Variants in ECPAS observed in about 807,000 individuals in gnomAD.
The protein encoded by ECPAS is Ecm29 proteasome adaptor and scaffold.
ECPAS carries 70 observed loss-of-function variants against 255.1 expected under a neutral mutation model. The observed-to-expected ratio is 0.27, with a 90% CI of 0.23 to 0.33. The LOEUF is 0.33. ECPAS is among the 10% of genes least tolerant of loss of function. The pLI, the probability that ECPAS is intolerant of heterozygous loss-of-function variation, is 1.00. For missense variants in ECPAS, 1,817 were observed against 2,206.4 expected (o/e 0.82, Z 3.54); for synonymous variants, 784 against 775.0 (o/e 1.01, Z -0.19).
At position 111,374,024 on chromosome 9, in the gene ECPAS, A is replaced by G; in HGVS notation, c.4125T>C (p.Ser1375=). ...VGLGTKGGCA[S]VIVSLTTQCP... ...ACTGAGTAGTTAATGACACAATGAC[A>G]CTGGCACAGCCACCCTACAGGGTTA... is the stretch of plus-strand genomic sequence containing the variant. The change falls in exon 39 of 50, where the codon AGT becomes AGC. Residue 1375 remains serine (S), a synonymous_variant. Transcript: ENST00000684092. The G allele has an allele frequency of 1.2e-6, 2 of 1,613,084 alleles. No homozygotes were observed. The highest frequency in any genetic ancestry group is 1.7e-6 in the Non-Finnish European group (2 of 1,179,054).
chr9:111,453,430 T>TGGGGGG (rs529303952), intron 2 of ECPAS, among the ~76,000 whole-genome samples: 1 of 151,996 alleles, frequency 6.6e-6, no homozygotes, highest in Non-Finnish European at 1.5e-5. Context: ...TGAAAGAAAC[T>TGGGGGG]GGGGGGGAAG....
chr9:111,381,473 C>A (rs2098140472), intron 35 of ECPAS, among the ~76,000 whole-genome samples: 1 of 152,158 alleles, frequency 6.6e-6, no homozygotes, highest in Non-Finnish European at 1.5e-5. Context: ...GTATGAAATA[C>A]CGTGAGAATT....
chr9:111,408,530 T>A, intron 24 of ECPAS, 41 bp downstream of exon 24: 2 of 1,283,688 alleles, frequency 1.6e-6, no homozygotes, highest in South Asian at 1.6e-5. Flanking sequence ...GACCAATGCC[T>A]TTTCTCTGAA....
intron 15 of ECPAS, 81 bp from the exon 16 acceptor site, chr9:111,420,201 T>C (rs2098211287): frequency 4.7e-6 from 4 of 848,616 alleles, no homozygotes; most frequent in Non-Finnish European, 7.9e-6. Flanking sequence ...TTCATTCCAA[T>C]CAAGATGAGT....
Position 111,368,034 on chromosome 9 carries a change from C to CAAAAAA in ECPAS, c.5113+995_5113+1000dup, listed in dbSNP as rs545860799. Among the ~76,000 whole-genome samples the CAAAAAA allele has an allele frequency of 7.1e-5, 9 of 126,608 alleles. No individual in the cohort carries two copies. The East Asian group carries it at 1.3e-3, about 19-fold the overall frequency. The allele number at this position is 126,608 out of a possible 152,430, so 83.1% of individuals were successfully genotyped here. On this transcript the variant is annotated intron_variant, in intron 46 of 49. Coordinates refer to ENST00000684092, the MANE Select transcript of ECPAS (RefSeq NM_001364929.1). ...TGGGCAACAAAGCAAGACCCTGTCT[C>CAAAAAA]AAAAAAAAAACAAACAAAAAAAAAA...
intron 33 of ECPAS, 26 bp from the exon 34 acceptor site, chr9:111,384,595 A>G: frequency 1.2e-6 from 2 of 1,609,548 alleles, no homozygotes; most frequent in Non-Finnish European, 1.7e-6. Context: ...GTGTGACATC[A>G]TACAAGTTAG....
intron 2 of ECPAS, among the ~76,000 whole-genome samples, chr9:111,453,328 G>A (rs1351953751): frequency 6.6e-6 from 1 of 152,104 alleles, no homozygotes; most frequent in African/African-American, 2.4e-5. Context: ...AAGCAATGAC[G>A]ATAGAAGGAA....
chr9:111,403,695 G>A (rs895133547), intron 24 of ECPAS, among the ~76,000 whole-genome samples: 1 of 149,766 alleles, frequency 6.7e-6, no homozygotes, highest in Admixed American at 6.6e-5. Context: ...TTTCAATAAT[G>A]GACAGGTCAT....
Position 111,396,750 on chromosome 9 carries a change from C to A in ECPAS, c.2776+280G>T, listed in dbSNP as rs916273442. Among the ~76,000 whole-genome samples the A allele has an allele frequency of 2.0e-5, 3 of 152,216 alleles. No individual in the cohort carries two copies. In the South Asian group the frequency reaches 6.2e-4, roughly 32 times the overall value. On this transcript the variant is annotated intron_variant, in intron 25 of 49. Transcript: ENST00000684092. Reference sequence around the variant, plus strand: ...TATTTTTAGTAGAGATGGGGTTTCACCATGTTAGCCAGGCTGGTCTCTAAC... The same window carrying A: ...TATTTTTAGTAGAGATGGGGTTTCAACATGTTAGCCAGGCTGGTCTCTAAC...
chr9:111,470,527 G>T (rs1034767811), intron 2 of ECPAS, among the ~76,000 whole-genome samples: 12 of 152,042 alleles, frequency 7.9e-5, no homozygotes, highest in African/African-American at 2.9e-4. Flanking sequence ...ACCCGTGATG[G>T]TCTCAAACTC....
Position 111,451,544 on chromosome 9 carries a change from G to T in ECPAS, c.34C>A (p.Arg12=), listed in dbSNP as rs1338724132. The T allele has an allele frequency of 6.4e-7, 1 of 1,567,608 alleles. No homozygotes were observed. Among genetic ancestry groups the T allele is most frequent in the African/African-American group, 1.4e-5 (1 of 72,886 alleles). ...YHIDCRDQLE[R]VFLRLGHAET... ...GCATGGCCAAGTCGTAAAAAGACCC[G>T]TTCAAGCTGATCTATAATATAAAAA... is the stretch of plus-strand genomic sequence containing the variant. The change falls in exon 3 of 50, where the codon CGG becomes AGG. Residue 12 remains arginine, a synonymous_variant. Coordinates refer to ENST00000684092, the MANE Select transcript of ECPAS (RefSeq NM_001364929.1).
intron 3 of ECPAS, among the ~76,000 whole-genome samples, chr9:111,450,586 T>C (rs558483604): frequency 6.6e-6 from 1 of 152,262 alleles, no homozygotes; most frequent in African/African-American, 2.4e-5. Flanking sequence ...AATGAAATAT[T>C]CTACAAATCA....
intron 31 of ECPAS, 57 bp downstream of exon 31, chr9:111,389,499 G>C (rs2131601672): frequency 6.9e-7 from 1 of 1,451,456 alleles, no homozygotes; most frequent in Non-Finnish European, 9.3e-7. Context: ...TAAATCCTAT[G>C]CATGACCCTG....
chr9:111,371,258 C>T (rs1055671095), intron 43 of ECPAS, among the ~76,000 whole-genome samples: 1 of 152,192 alleles, frequency 6.6e-6, no homozygotes, highest in African/African-American at 2.4e-5. Context: ...AGGCAGGCTA[C>T]CTTGCTACTC....
At chr9:111,479,321 G>T (rs2098300562) in intron 1 of ECPAS, among the ~76,000 whole-genome samples, 1 of 152,158 alleles carries the variant, frequency 6.6e-6, no homozygotes, top group South Asian at 2.1e-4. Flanking sequence ...AGGCAGGCAG[G>T]GCACAGTGGC....
chr9:111,404,341 TAAAC>T (rs1056156354), intron 24 of ECPAS, among the ~76,000 whole-genome samples: 9 of 149,714 alleles, frequency 6.0e-5, no homozygotes, highest in African/African-American at 7.6e-5. Context: ...CTTTAAAAGA[TAAAC>T]AAAAAAATTA....
Position 111,385,273 on chromosome 9 carries a change from A to G in ECPAS, c.3633+64T>C, listed in dbSNP as rs984466209. 11 of 840,522 alleles carry G rather than the reference A, an allele frequency of 1.3e-5. No homozygotes were observed. In the African/African-American group the frequency reaches 1.9e-4, roughly 15 times the overall value. 52.1% of individuals were successfully genotyped at this position (840,522 alleles called of 1,614,324 possible). A position where few individuals can be genotyped will look rare whatever the true frequency, so the allele number is the denominator to read the frequency against. ...AATGGAATTTTGACATACACAACAT[A>G]AATATTTTAATAATTCCAATTTAAC... On this transcript the variant is annotated intron_variant, in intron 33 of 49. Coordinates refer to ENST00000684092, the MANE Select transcript of ECPAS (RefSeq NM_001364929.1).
At chr9:111,446,115 G>A (rs2098252606) in intron 3 of ECPAS, among the ~76,000 whole-genome samples, 1 of 152,170 alleles carries the variant, frequency 6.6e-6, no homozygotes, top group Admixed American at 6.5e-5. Flanking sequence ...CTTTGCTATT[G>A]TGAATAGTCT....
chr9:111,410,232 A>C lies in ECPAS; in HGVS notation c.2378-19T>G. On this transcript the variant is annotated intron_variant, in intron 22 of 49. Coordinates refer to ENST00000684092, the MANE Select transcript of ECPAS (RefSeq NM_001364929.1). The stretch of plus-strand genomic sequence containing the variant: ...AATGAGCCTGTAAGCACATTTAGCC[A>C]AAAAGAGAATTACATACCATTATCC... The C allele has an allele frequency of 6.3e-7, 1 of 1,597,542 alleles. No individual in the cohort carries two copies. Among genetic ancestry groups the C allele is most frequent in the Non-Finnish European group, 8.5e-7 (1 of 1,172,512 alleles).
Sources: gnomAD v4.1 joint callset for allele counts (sites outside exome capture counted in the v4.1 genomes callset) on GRCh38, gnomAD v4.1.1 for gene constraint, MANE v1.5 for transcripts, NCBI Gene and HGNC (gene_info 2026-07-23, HGNC 2026-07-21) for gene names.